The following CCNJL variants were observed in gnomAD, a reference collection of about 807,000 sequenced individuals.
The protein encoded by CCNJL is cyclin J like.
In CCNJL, 33 loss-of-function variants were observed where a neutral mutation model predicts 33.4. The ratio of observed to expected loss-of-function variants is 0.99; its 90% confidence interval spans 0.75 to 1.32. The LOEUF is 1.32. Ranked by LOEUF, CCNJL falls within the 40% of genes most tolerant of loss-of-function variation. CCNJL has a pLI of 0.00. For synonymous variants in CCNJL, 227 were observed against 220.9 expected, an observed-to-expected ratio of 1.03 and a Z score of -0.24; for missense variants, 512 against 499.7, an observed-to-expected ratio of 1.02 and a Z score of -0.23.
upstream of CCNJL, among the ~76,000 whole-genome samples, chr5:160,315,954 C>T (rs753528990): frequency 2.6e-5 from 4 of 152,078 alleles, no homozygotes; most frequent in Non-Finnish European, 4.4e-5. Context: ...TCCTAAACTT[C>T]AGCTATCAAT....
rs13362036 is a variant in CCNJL at position 160,259,496 on chromosome 5, G to A, written c.556C>T (p.His186Tyr). ...TGCAGGGTGACCTCTAGGAAGTAAT[G>A]GGCATACTCCTTGAGGCACTCTTTG... ...KTKECLKEYA[H>Y]YFLEVTLQDH... is the part of the protein sequence containing the mutation. Residue 186 changes from histidine to tyrosine, a missense_variant, in exon 4 of 6, where the codon CAT becomes TAT. By Grantham distance (83) the His-to-Tyr change is moderately conservative. Transcript: ENST00000257536. 79,372 of 1,613,732 alleles carry A rather than the reference G, an allele frequency of 0.049. 3,428 individuals are homozygous for A. Among genetic ancestry groups the A allele is most frequent in the South Asian group, 0.18 (16,820 of 91,054 alleles).
chr5:160,306,922 C>G (rs1029551307), intron 2 of CCNJL, among the ~76,000 whole-genome samples: 8 of 152,240 alleles, frequency 5.3e-5, no homozygotes, highest in Admixed American at 3.3e-4. Context: ...AATTGCTTTT[C>G]TAACTTCCTG....
chr5:160,270,722 T>C (rs999935352), intron 3 of CCNJL, among the ~76,000 whole-genome samples: 2 of 152,272 alleles, frequency 1.3e-5, no homozygotes, highest in Non-Finnish European at 2.9e-5. Context: ...TTTTGTTATT[T>C]TTATTTTTTC....
intron 2 of CCNJL, among the ~76,000 whole-genome samples, chr5:160,288,191 C>A (rs185285290): frequency 2.6e-5 from 4 of 151,946 alleles, no homozygotes; most frequent in Middle Eastern, 3.4e-3. Context: ...TTAACAGTGG[C>A]TACGGAGGAG....
chr5:160,320,790 TTTCTTTCTTTCTTTC>T (rs1763432274), intron 1 of CCNJL, among the ~76,000 whole-genome samples: 20 of 34,198 alleles, frequency 5.8e-4, no homozygotes, highest in African/African-American at 1.4e-3. Flanking sequence ...CTTTCTTTCC[TTTCTTTCTTTCTTTC>T]TTTCTTTCTT....
intron 1 of CCNJL, among the ~76,000 whole-genome samples, chr5:160,321,315 A>G (rs1763461826): frequency 6.6e-6 from 1 of 152,096 alleles, no homozygotes. Flanking sequence ...CCTCCAACAG[A>G]CAATAAACAG....
intron 2 of CCNJL, among the ~76,000 whole-genome samples, chr5:160,310,921 C>A (rs561767981): frequency 2.0e-4 from 30 of 152,338 alleles, no homozygotes; most frequent in Middle Eastern, 3.4e-3. Context: ...ACACCTTGAT[C>A]TGGGATCTTC....
chr5:160,296,836 C>T (rs566222594), intron 2 of CCNJL, among the ~76,000 whole-genome samples: 127 of 152,208 alleles, frequency 8.3e-4, no homozygotes, highest in Non-Finnish European at 1.4e-3. Context: ...TCAAACAGCA[C>T]CTCCTCCTTG....
At chr5:160,302,815 A>G (rs1038481108) in intron 2 of CCNJL, among the ~76,000 whole-genome samples, 1 of 84,306 alleles carries the variant, frequency 1.2e-5, no homozygotes, top group Admixed American at 1.1e-4. Flanking sequence ...CTGTCTCAAT[A>G]AAAAAAAAAA....
At chr5:160,319,111 C>A (rs531224340) in intron 1 of CCNJL, among the ~76,000 whole-genome samples, 28 of 152,320 alleles carry the variant, frequency 1.8e-4, no homozygotes, top group African/African-American at 6.5e-4. Context: ...AAGATATTCT[C>A]TCTTTCTCTT....
chr5:160,303,961 C>G (rs1763011493), intron 2 of CCNJL, among the ~76,000 whole-genome samples: 1 of 152,182 alleles, frequency 6.6e-6, no homozygotes, highest in African/African-American at 2.4e-5. Flanking sequence ...CCCAGCCAAC[C>G]AGGGTGCCCA....
chr5:160,265,559 TG>T (rs528045895), intron 3 of CCNJL, among the ~76,000 whole-genome samples: 404 of 150,824 alleles, frequency 2.7e-3, no homozygotes, highest in Non-Finnish European at 4.7e-3. Flanking sequence ...CGCTTGAACC[TG>T]GGCAGCGAAG....
At chr5:160,307,831 C>G (rs559318862) in intron 2 of CCNJL, among the ~76,000 whole-genome samples, 6 of 152,144 alleles carry the variant, frequency 3.9e-5, no homozygotes, top group Non-Finnish European at 7.3e-5. Flanking sequence ...AATTTAAGGG[C>G]TGAGCATGGG....
At chr5:160,293,839 G>C (rs527461470) in intron 2 of CCNJL, among the ~76,000 whole-genome samples, 1 of 152,286 alleles carries the variant, frequency 6.6e-6, no homozygotes, top group Admixed American at 6.5e-5. Context: ...GACAATACTT[G>C]GAGGGCGACA....
chr5:160,300,228 G>A (rs984660027), intron 2 of CCNJL, among the ~76,000 whole-genome samples: 6 of 152,068 alleles, frequency 3.9e-5, no homozygotes, highest in African/African-American at 1.4e-4. Flanking sequence ...TTCTGCCTCC[G>A]AAGGATCCAG....
chr5:160,256,872 C>G (rs966339597), intron 4 of CCNJL, among the ~76,000 whole-genome samples: 8 of 150,984 alleles, frequency 5.3e-5, no homozygotes, highest in African/African-American at 2.0e-4. Context: ...GAGCTGAGAT[C>G]GAGCCATTGC....
chr5:160,308,654 A>C (rs2060001890), intron 2 of CCNJL, among the ~76,000 whole-genome samples: 1 of 152,308 alleles, frequency 6.6e-6, no homozygotes, highest in Admixed American at 6.5e-5. Flanking sequence ...GCTACTCAGG[A>C]GGCTGAGGCA....
chr5:160,323,422 A>C (rs1191783985), intron 1 of CCNJL, among the ~76,000 whole-genome samples: 1 of 152,136 alleles, frequency 6.6e-6, no homozygotes, highest in Non-Finnish European at 1.5e-5. Context: ...GCTACATAAT[A>C]TTCTATCGTA....
At chr5:160,279,903 C>A (rs139592734) in intron 3 of CCNJL, among the ~76,000 whole-genome samples, 60 of 152,280 alleles carry the variant, frequency 3.9e-4, no homozygotes, top group African/African-American at 1.3e-3. Flanking sequence ...CGAGTAGCAG[C>A]GAATTAACAC....
Sources: gnomAD v4.1 joint callset for allele counts (sites outside exome capture counted in the v4.1 genomes callset) on GRCh38, gnomAD v4.1.1 for gene constraint, MANE v1.5 for transcripts, NCBI Gene and HGNC (gene_info 2026-07-23, HGNC 2026-07-21) for gene names.